IMMP2L: variants seen among roughly 807,000 people sequenced by gnomAD.
The protein encoded by IMMP2L is inner mitochondrial membrane peptidase subunit 2.
Under a neutral mutation model 19.3 loss-of-function variants are expected in IMMP2L, and 18 were observed. The observed-to-expected ratio is 0.93, with a 90% CI of 0.64 to 1.38. The LOEUF (loss-of-function observed/expected upper bound fraction) is 1.38. IMMP2L is among the 40% of genes most tolerant of loss of function. IMMP2L has a pLI of 0.00. For synonymous variants in IMMP2L, 76 were observed against 73.0 expected (o/e 1.04, Z -0.21); for missense variants, 233 against 218.2 (o/e 1.07, Z -0.43).
At chr7:111,006,383 T>C (rs1238293967) in intron 3 of IMMP2L, among the ~76,000 whole-genome samples, 1 of 152,158 alleles carries the variant, frequency 6.6e-6, no homozygotes, top group Admixed American at 6.6e-5. Context: ...AATGCATAAT[T>C]GGGCTTTATT....
At chr7:110,958,596 ATACCAACAAGCCCT>A (rs6150292) in intron 4 of IMMP2L, among the ~76,000 whole-genome samples, 76,994 of 151,718 alleles carry the variant, frequency 0.51, 20,128 homozygotes, top group Non-Finnish European at 0.58. Flanking sequence ...CTTATCTGTC[ATACCAACAAGCCCT>A]TACCAACAGG....
chr7:110,933,320 T>A (rs879943038), intron 4 of IMMP2L, among the ~76,000 whole-genome samples: 1 of 152,160 alleles, frequency 6.6e-6, no homozygotes, highest in Non-Finnish European at 1.5e-5. Flanking sequence ...GATCTAGAAC[T>A]ACCCCAGGCA....
At chr7:111,284,168 A>G (rs1584448774) in intron 3 of IMMP2L, among the ~76,000 whole-genome samples, 1 of 98,450 alleles carries the variant, frequency 1.0e-5, no homozygotes. Flanking sequence ...GCAGCCATCT[A>G]AAAAAAACAG....
intron 3 of IMMP2L, among the ~76,000 whole-genome samples, chr7:111,447,193 G>C (rs1205431616): frequency 6.8e-6 from 1 of 146,884 alleles, no homozygotes; most frequent in South Asian, 2.2e-4. Flanking sequence ...TTCAGATTCA[G>C]GAAATACAGA....
intron 1 of IMMP2L, among the ~76,000 whole-genome samples, chr7:111,528,069 C>T (rs952142462): frequency 6.6e-6 from 1 of 152,144 alleles, no homozygotes; most frequent in Non-Finnish European, 1.5e-5. Flanking sequence ...GCCATTCATA[C>T]ATGAAGAAAT....
chr7:110,796,021 C>T (rs1418256681), intron 5 of IMMP2L, among the ~76,000 whole-genome samples: 1 of 152,018 alleles, frequency 6.6e-6, no homozygotes, highest in African/African-American at 2.4e-5. Flanking sequence ...CTCTCATGCT[C>T]TTCTTGTGAT....
intron 3 of IMMP2L, among the ~76,000 whole-genome samples, chr7:111,274,402 C>T (rs1299777474): frequency 6.6e-6 from 1 of 152,126 alleles, no homozygotes; most frequent in Non-Finnish European, 1.5e-5. Flanking sequence ...TCTCTAAAAA[C>T]CTTATTGCCA....
chr7:111,497,899 T>G (rs1843743362), intron 2 of IMMP2L, among the ~76,000 whole-genome samples: 1 of 151,602 alleles, frequency 6.6e-6, no homozygotes, highest in Admixed American at 6.6e-5. Context: ...CTATTAGTAT[T>G]ATATAATAAT....
intron 3 of IMMP2L, among the ~76,000 whole-genome samples, chr7:111,480,597 CAAA>C (rs925037556): frequency 3.6e-5 from 2 of 55,056 alleles, no homozygotes; most frequent in African/African-American, 9.9e-5. Context: ...ATTTTACTGT[CAAA>C]AAAAAAAAAA....
intron 5 of IMMP2L, among the ~76,000 whole-genome samples, chr7:110,797,604 T>A (rs1800946376): frequency 6.6e-6 from 1 of 152,016 alleles, no homozygotes; most frequent in Non-Finnish European, 1.5e-5. Flanking sequence ...AAGTTCGTGC[T>A]TGTAAGTGTG....
intron 5 of IMMP2L, among the ~76,000 whole-genome samples, chr7:110,860,373 C>T (rs1807271997): frequency 1.3e-5 from 2 of 151,988 alleles, no homozygotes; most frequent in Admixed American, 1.3e-4. Flanking sequence ...GTAGTACATT[C>T]TTGGAGCCCT....
intron 3 of IMMP2L, among the ~76,000 whole-genome samples, chr7:111,232,059 T>A (rs1013511752): frequency 3.9e-5 from 6 of 152,068 alleles, no homozygotes; most frequent in African/African-American, 1.4e-4. Flanking sequence ...AAAGAAATGT[T>A]TAATAAATGT....
intron 5 of IMMP2L, among the ~76,000 whole-genome samples, chr7:110,848,996 A>C (rs973856501): frequency 3.3e-5 from 5 of 152,148 alleles, no homozygotes; most frequent in African/African-American, 1.2e-4. Context: ...AATGAGGGAT[A>C]TATGTCATAT....
At chr7:111,218,332 A>C (rs1471110753) in intron 3 of IMMP2L, among the ~76,000 whole-genome samples, 1 of 152,114 alleles carries the variant, frequency 6.6e-6, no homozygotes, top group Non-Finnish European at 1.5e-5. Flanking sequence ...TTCTTATGAA[A>C]ATTAATGTCT....
intron 3 of IMMP2L, among the ~76,000 whole-genome samples, chr7:111,267,742 C>A (rs1817983664): frequency 6.6e-6 from 1 of 151,878 alleles, no homozygotes; most frequent in South Asian, 2.1e-4. Context: ...TACTATTCTC[C>A]AGGGGTAATA....
At chr7:110,968,492 G>A (rs1819793283) in intron 3 of IMMP2L, among the ~76,000 whole-genome samples, 1 of 151,986 alleles carries the variant, frequency 6.6e-6, no homozygotes, top group Non-Finnish European at 1.5e-5. Context: ...TGGGCAACAT[G>A]GTGAAACCCC....
intron 5 of IMMP2L, among the ~76,000 whole-genome samples, chr7:110,884,665 T>C (rs1354321758): frequency 1.3e-5 from 2 of 152,060 alleles, no homozygotes; most frequent in Admixed American, 1.3e-4. Flanking sequence ...GGCTTTTAGG[T>C]AATCTTTTTC....
chr7:111,481,565 A>T (rs2132211579), intron 3 of IMMP2L, among the ~76,000 whole-genome samples: 1 of 152,264 alleles, frequency 6.6e-6, no homozygotes, highest in East Asian at 1.9e-4. Flanking sequence ...TAACAAAAAA[A>T]TAAGCAGTCA....
At chr7:111,429,002 G>A (rs998429077) in intron 3 of IMMP2L, among the ~76,000 whole-genome samples, 1 of 151,866 alleles carries the variant, frequency 6.6e-6, no homozygotes, top group African/African-American at 2.4e-5. Context: ...CTAGGTGGAT[G>A]GGAGGTGGGT....
Sources: gnomAD v4.1 joint callset for allele counts (sites outside exome capture counted in the v4.1 genomes callset) on GRCh38, gnomAD v4.1.1 for gene constraint, MANE v1.5 for transcripts, NCBI Gene and HGNC (gene_info 2026-07-23, HGNC 2026-07-21) for gene names.